The following LYPLAL1 variants were observed in gnomAD, a reference collection of about 807,000 sequenced individuals.
LYPLAL1 encodes lysophospholipase like 1.
In LYPLAL1, 23 loss-of-function variants were observed where a neutral mutation model predicts 19.7. That is an observed-to-expected ratio of 1.17 (90% CI 0.84 to 1.65). The LOEUF is 1.65. Among genes scored for constraint, LYPLAL1 ranks in the 40% most tolerant of loss-of-function variants. The pLI is 0.00. For missense variants in LYPLAL1, 355 were observed against 279.4 expected, an observed-to-expected ratio of 1.27 and a Z score of -1.93; for synonymous variants, 119 against 96.3, an observed-to-expected ratio of 1.24 and a Z score of -1.38.
the LYPLAL1 span, among the ~76,000 whole-genome samples, chr1:219,310,238 C>G: frequency 1.3e-5 from 2 of 152,170 alleles, no homozygotes; most frequent in Non-Finnish European, 2.9e-5. Flanking sequence ...TGACTGTTTT[C>G]AAGGTACAAA....
intron 3 of LYPLAL1, chr1:219,198,735 A>G (rs1407668307): frequency 6.6e-6 from 1 of 152,154 alleles, no homozygotes; most frequent in Non-Finnish European, 1.5e-5. Flanking sequence ...TGCTAAAGCT[A>G]TGTTTTAATA....
chr1:219,410,674 G>A, the LYPLAL1 span, among the ~76,000 whole-genome samples: 24,738 of 152,222 alleles, frequency 0.16, 2,116 homozygotes, highest in East Asian at 0.27. Context: ...CGGGAACCGG[G>A]GCTGTGTGCG....
chr1:219,309,314 C>A, the LYPLAL1 span, among the ~76,000 whole-genome samples: 7 of 152,108 alleles, frequency 4.6e-5, no homozygotes, highest in African/African-American at 1.4e-4. Context: ...GGCTAGTAGG[C>A]AGAAGGGATT....
intron 3 of LYPLAL1, among the ~76,000 whole-genome samples, chr1:219,208,489 GA>G (rs1658750111): frequency 6.6e-6 from 1 of 151,640 alleles, no homozygotes. Context: ...ACTTTCATTA[GA>G]AACCCATACG....
chr1:219,330,527 A>G, the LYPLAL1 span, among the ~76,000 whole-genome samples: 2 of 152,180 alleles, frequency 1.3e-5, no homozygotes, highest in African/African-American at 4.8e-5. Context: ...ATTTCAAACT[A>G]ATTCTTATTT....
chr1:219,405,402 CTT>C, the LYPLAL1 span, among the ~76,000 whole-genome samples: 3 of 152,150 alleles, frequency 2.0e-5, no homozygotes, highest in African/African-American at 7.2e-5. Context: ...GAGGCATACT[CTT>C]TGAAAATTTC....
chr1:219,238,297 C>T, the LYPLAL1 span, among the ~76,000 whole-genome samples: 103 of 126,166 alleles, frequency 8.2e-4, no homozygotes, highest in African/African-American at 2.9e-3. Flanking sequence ...GCCACCGCGC[C>T]CGGCTAATTT....
chr1:219,264,276 T>C, the LYPLAL1 span, among the ~76,000 whole-genome samples: 5 of 152,086 alleles, frequency 3.3e-5, no homozygotes, highest in Admixed American at 3.3e-4. Context: ...AGACCACCAA[T>C]TGGGTGGACA....
the LYPLAL1 span, among the ~76,000 whole-genome samples, chr1:219,316,986 A>T: frequency 6.6e-5 from 10 of 152,324 alleles, no homozygotes; most frequent in South Asian, 2.1e-4. Flanking sequence ...GATGCACAAC[A>T]TTACTAATGT....
At chr1:219,326,575 G>C in the LYPLAL1 span, among the ~76,000 whole-genome samples, 2 of 152,100 alleles carry the variant, frequency 1.3e-5, no homozygotes, top group Admixed American at 1.3e-4. Context: ...CTAAGGCCCC[G>C]TATCAACAAG....
At chr1:219,184,304 TA>T (rs1186056400) in intron 2 of LYPLAL1, among the ~76,000 whole-genome samples, 2 of 151,940 alleles carry the variant, frequency 1.3e-5, no homozygotes, top group African/African-American at 2.4e-5. Context: ...AATGGAATGT[TA>T]AAAAACTTAA....
the LYPLAL1 span, among the ~76,000 whole-genome samples, chr1:219,360,043 A>G: frequency 6.6e-6 from 1 of 152,208 alleles, no homozygotes; most frequent in Non-Finnish European, 1.5e-5. Context: ...ATCCCGAAAC[A>G]GCACAAATCA....
At chr1:219,178,513 A>T (rs570992135) in intron 1 of LYPLAL1, among the ~76,000 whole-genome samples, 3 of 152,322 alleles carry the variant, frequency 2.0e-5, no homozygotes, top group Admixed American at 2.0e-4. Context: ...ACTCCATAAG[A>T]TGGACTTATA....
chr1:219,333,131 G>A, the LYPLAL1 span, among the ~76,000 whole-genome samples: 45 of 152,126 alleles, frequency 3.0e-4, no homozygotes, highest in Admixed American at 1.6e-3. Flanking sequence ...CCAAGGGTAC[G>A]TGTGATTAGA....
the LYPLAL1 span, among the ~76,000 whole-genome samples, chr1:219,276,177 GA>G: frequency 2.3e-4 from 34 of 150,756 alleles, no homozygotes; most frequent in African/African-American, 8.0e-4. Flanking sequence ...CCCACTTGAA[GA>G]AAAAAAAACA....
the LYPLAL1 span, among the ~76,000 whole-genome samples, chr1:219,243,296 C>A: frequency 6.6e-6 from 1 of 151,974 alleles, no homozygotes; most frequent in Non-Finnish European, 1.5e-5. Flanking sequence ...AGTCCAAAGA[C>A]AAAGAGGACA....
At chr1:219,295,101 C>T in the LYPLAL1 span, among the ~76,000 whole-genome samples, 1 of 152,276 alleles carries the variant, frequency 6.6e-6, no homozygotes, top group Non-Finnish European at 1.5e-5. Flanking sequence ...TCCACAGCAT[C>T]CACTACAGAC....
chr1:219,427,254 A>G, the LYPLAL1 span, among the ~76,000 whole-genome samples: 1 of 152,218 alleles, frequency 6.6e-6, no homozygotes, highest in Non-Finnish European at 1.5e-5. Context: ...AACTCAAATG[A>G]AAAAGACTTT....
the LYPLAL1 span, among the ~76,000 whole-genome samples, chr1:219,414,099 T>C: frequency 3.9e-5 from 6 of 152,172 alleles, no homozygotes; most frequent in South Asian, 2.1e-4. Context: ...GGGGGAAGGA[T>C]GAATGCAGCA....
Sources: allele counts gnomAD v4.1 joint callset (sites outside exome capture counted in the v4.1 genomes callset), GRCh38; gene constraint gnomAD v4.1.1; transcripts MANE v1.5; gene names NCBI Gene and HGNC (gene_info 2026-07-23, HGNC 2026-07-21).